The following KIAA1217 variants were observed in gnomAD, a reference collection of about 807,000 sequenced individuals.
KIAA1217 encodes KIAA1217.
A neutral mutation model predicts 163.9 loss-of-function variants in KIAA1217; 88 were observed. The observed-to-expected ratio is 0.54, with a 90% CI of 0.45 to 0.64. The LOEUF (loss-of-function observed/expected upper bound fraction) is 0.64, where lower values mean the gene tolerates loss of function less well. Among genes scored for constraint, KIAA1217 ranks in the 30% least tolerant of loss-of-function variants. KIAA1217 has a pLI of 0.00. For synonymous variants in KIAA1217, 903 were observed against 923.1 expected, an observed-to-expected ratio of 0.98 and a Z score of 0.39; for missense variants, 2,372 against 2,475.0, an observed-to-expected ratio of 0.96 and a Z score of 0.88.
intron 1 of KIAA1217, among the ~76,000 whole-genome samples, chr10:23,840,897 A>G (rs1287703673): frequency 6.6e-6 from 1 of 152,174 alleles, no homozygotes; most frequent in Non-Finnish European, 1.5e-5. Context: ...AAGAGGAGCC[A>G]TAGAATAGTG....
At chr10:24,376,198 T>C (rs963685859) in intron 2 of KIAA1217, among the ~76,000 whole-genome samples, 3 of 152,276 alleles carry the variant, frequency 2.0e-5, no homozygotes, top group African/African-American at 7.2e-5. Context: ...ATCTTAGCAC[T>C]ACCTAGCTAC....
intron 2 of KIAA1217, among the ~76,000 whole-genome samples, chr10:24,306,826 C>T (rs17383772): frequency 0.17 from 25,648 of 152,284 alleles, 2,178 homozygotes; most frequent in Middle Eastern, 0.2. Flanking sequence ...TTTCTGTTCT[C>T]ACTGACATAA....
intron 2 of KIAA1217, among the ~76,000 whole-genome samples, chr10:24,295,328 A>G (rs2040461029): frequency 6.6e-6 from 1 of 152,212 alleles, no homozygotes; most frequent in Non-Finnish European, 1.5e-5. Flanking sequence ...TGCTTGTCAG[A>G]TGAGGAAAAG....
chr10:23,761,105 A>T (rs779741149), intron 1 of KIAA1217, among the ~76,000 whole-genome samples: 16 of 152,076 alleles, frequency 1.1e-4, no homozygotes, highest in Non-Finnish European at 2.2e-4. Flanking sequence ...ATTAAAATGA[A>T]AACTAAAAAA....
At chr10:24,338,159 ATGTCCCAATG>A (rs2046632840) in intron 2 of KIAA1217, among the ~76,000 whole-genome samples, 1 of 152,170 alleles carries the variant, frequency 6.6e-6, no homozygotes, top group Admixed American at 6.5e-5. Flanking sequence ...TGAGTAGTTT[ATGTCCCAATG>A]TGGATGATTT....
At chr10:24,486,800 C>G (rs1171645766) in intron 6 of KIAA1217, among the ~76,000 whole-genome samples, 1 of 151,860 alleles carries the variant, frequency 6.6e-6, no homozygotes, top group African/African-American at 2.4e-5. Context: ...ATTTTTTTTT[C>G]TCCTTCATGT....
At chr10:24,321,872 C>T (rs533729351) in intron 2 of KIAA1217, among the ~76,000 whole-genome samples, 31 of 152,250 alleles carry the variant, frequency 2.0e-4, no homozygotes, top group African/African-American at 6.7e-4. Context: ...CATGAAAATA[C>T]TTAGTGCCAC....
At chr10:24,059,632 C>A (rs542683492) in intron 2 of KIAA1217, among the ~76,000 whole-genome samples, 1 of 152,178 alleles carries the variant, frequency 6.6e-6, no homozygotes, top group African/African-American at 2.4e-5. Context: ...GGCTGAAGTG[C>A]AGTGGCGTGA....
chr10:24,181,663 G>A (rs2066176896), intron 2 of KIAA1217, among the ~76,000 whole-genome samples: 1 of 152,182 alleles, frequency 6.6e-6, no homozygotes, highest in Non-Finnish European at 1.5e-5. Flanking sequence ...GGGACATAAT[G>A]TAATATTCCA....
At chr10:24,380,343 A>G (rs924970632) in intron 2 of KIAA1217, among the ~76,000 whole-genome samples, 1 of 152,030 alleles carries the variant, frequency 6.6e-6, no homozygotes, top group Admixed American at 6.6e-5. Flanking sequence ...ATCTTAATGG[A>G]GACCAGGTGC....
chr10:24,252,997 T>TAAA (rs11287032), intron 2 of KIAA1217, among the ~76,000 whole-genome samples: 1 of 144,086 alleles, frequency 6.9e-6, no homozygotes, highest in African/African-American at 2.6e-5. Context: ...TACAAATAAT[T>TAAA]AAAAAAAAAA....
chr10:24,343,945 G>A (rs950082428), intron 2 of KIAA1217, among the ~76,000 whole-genome samples: 25 of 152,222 alleles, frequency 1.6e-4, no homozygotes, highest in Admixed American at 9.2e-4. Flanking sequence ...CCATTGAGCT[G>A]TTTTTCCGTC....
chr10:24,465,130 A>T (rs2062809198), intron 5 of KIAA1217, among the ~76,000 whole-genome samples: 1 of 152,164 alleles, frequency 6.6e-6, no homozygotes, highest in African/African-American at 2.4e-5. Flanking sequence ...TGTATACCAG[A>T]TTCATCAGAA....
In KIAA1217 at chr10:24,531,952, G is replaced by A. The variant is rs776437777; in HGVS notation, c.3205G>A (p.Asp1069Asn). The A allele has an allele frequency of 5.0e-6, 8 of 1,608,070 alleles. No homozygotes were observed. Among genetic ancestry groups the A allele is most frequent in the East Asian group, 2.2e-5 (1 of 44,650 alleles). ...GGGACTCACCACCACGAGGTCAGGCGATGTGGTCTACACCGGCAGAAAGGA... is the reference window on the plus strand; with the variant it reads ...GGGACTCACCACCACGAGGTCAGGCAATGTGGTCTACACCGGCAGAAAGGA... ...GSGLTTTRSGDVVYTGRKENI... is the reference protein window; with the variant it reads ...GSGLTTTRSGNVVYTGRKENI... The change falls in exon 15 of 21, where the codon GAT (aspartate) becomes AAT (asparagine). Residue 1069 changes from aspartate (D) to asparagine (N), a missense_variant. Asp to Asn is a conservative substitution (Grantham distance 23). Around this residue, in one of 3 missense-constraint regions of KIAA1217, gnomAD observed 1,431 missense variants for 1,470.3 expected, o/e 0.97. Transcript: ENST00000376454.
intron 2 of KIAA1217, among the ~76,000 whole-genome samples, chr10:24,279,952 G>A (rs1405285081): frequency 2.0e-5 from 3 of 152,146 alleles, no homozygotes; most frequent in African/African-American, 7.2e-5. Flanking sequence ...AAAATTCATG[G>A]TGCATGGAAC....
intron 2 of KIAA1217, among the ~76,000 whole-genome samples, chr10:24,363,191 A>G (rs1418324771): frequency 1.3e-5 from 2 of 152,232 alleles, no homozygotes; most frequent in African/African-American, 4.8e-5. Context: ...GACCGTTTGA[A>G]GTACTGTACG....
chr10:23,895,886 G>T (rs1465560578), intron 1 of KIAA1217, among the ~76,000 whole-genome samples: 2 of 150,144 alleles, frequency 1.3e-5, no homozygotes, highest in Admixed American at 6.7e-5. Flanking sequence ...GTAAACTATC[G>T]CAAGAACAAA....
At chr10:24,201,607 C>G (rs2067257901) in intron 2 of KIAA1217, among the ~76,000 whole-genome samples, 1 of 152,114 alleles carries the variant, frequency 6.6e-6, no homozygotes, top group Non-Finnish European at 1.5e-5. Context: ...ACCCCCTCTA[C>G]CCACTTGGCT....
At chr10:23,976,270 TCTGTTCATCA>T (rs1845536383) in intron 1 of KIAA1217, among the ~76,000 whole-genome samples, 1 of 152,162 alleles carries the variant, frequency 6.6e-6, no homozygotes, top group African/African-American at 2.4e-5. Flanking sequence ...CTAGAAAATC[TCTGTTCATCA>T]TTCCAGACTG....
Sources: gnomAD v4.1 joint callset for allele counts (sites outside exome capture counted in the v4.1 genomes callset) on GRCh38, gnomAD v4.1.1 for gene constraint, gnomAD v4.1.1 regional missense constraint, MANE v1.5 for transcripts, NCBI Gene and HGNC (gene_info 2026-07-23, HGNC 2026-07-21) for gene names.